The following AGBL1 variants were observed in gnomAD, a reference collection of about 807,000 sequenced individuals.
AGBL1 encodes AGBL carboxypeptidase 1.
AGBL1 carries 130 observed loss-of-function variants against 118.9 expected under a neutral mutation model. The ratio of observed to expected loss-of-function variants is 1.09; its 90% confidence interval spans 0.95 to 1.26. AGBL1 has a LOEUF of 1.26. AGBL1 is among the 50% of genes most tolerant of loss of function. The probability of loss-of-function intolerance (pLI) is 0.00; values close to 1 mark genes in which losing one functional copy is unlikely to be tolerated. For synonymous variants in AGBL1, 555 were observed against 478.9 expected (o/e 1.16, Z -2.08); for missense variants, 1,584 against 1,298.1 (o/e 1.22, Z -3.38).
intron 16 of AGBL1, among the ~76,000 whole-genome samples, chr15:86,288,331 C>A (rs2079487216): frequency 6.6e-6 from 1 of 152,142 alleles, no homozygotes; most frequent in South Asian, 2.1e-4. Flanking sequence ...AGAAACGTGA[C>A]TGATATTCTG....
intron 5 of AGBL1, among the ~76,000 whole-genome samples, chr15:86,180,567 C>G (rs1255451547): frequency 6.6e-6 from 1 of 152,088 alleles, no homozygotes; most frequent in Non-Finnish European, 1.5e-5. Context: ...ACAGCTATAA[C>G]ATTTCTGGAA....
intron 18 of AGBL1, among the ~76,000 whole-genome samples, chr15:86,412,737 CA>C (rs1195898787): frequency 6.6e-6 from 1 of 152,164 alleles, no homozygotes; most frequent in Non-Finnish European, 1.5e-5. Flanking sequence ...AATTTAGACA[CA>C]GTTACTACAA....
chr15:86,187,548 A>C (rs191294254), intron 5 of AGBL1, among the ~76,000 whole-genome samples: 2 of 152,284 alleles, frequency 1.3e-5, no homozygotes, highest in East Asian at 3.9e-4. Context: ...GCTGAGCCTC[A>C]ATTTTTACAC....
chr15:86,286,665 G>A lies in AGBL1; in HGVS notation c.2220+6882G>A, dbSNP rs1040055258. The stretch of plus-strand genomic sequence containing the variant: ...ATTTCCTGCTTTTTAAGACTGAATA[G>A]TAATCCATTGTGTATGTATGTATAT... On this transcript the variant is annotated intron_variant, in intron 16 of 22. Transcript: ENST00000614907. Among the ~76,000 whole-genome samples, 4 of 150,258 alleles carry A rather than the reference G, an allele frequency of 2.7e-5. No individual in the cohort carries two copies. In the East Asian group the frequency reaches 7.8e-4, roughly 29 times the overall value.
At chr15:86,089,706 G>A (rs968611409) in intron 1 of AGBL1, among the ~76,000 whole-genome samples, 1 of 152,002 alleles carries the variant, frequency 6.6e-6, no homozygotes, top group Non-Finnish European at 1.5e-5. Flanking sequence ...ATCGGTGCTA[G>A]CTCAATGCCC....
At chr15:86,333,732 A>T (rs898972077) in intron 17 of AGBL1, among the ~76,000 whole-genome samples, 145 of 152,160 alleles carry the variant, frequency 9.5e-4, no homozygotes, top group African/African-American at 3.4e-3. Flanking sequence ...ACACAATGAG[A>T]AAAGGAAACT....
chr15:86,521,543 G>T (rs537180504), intron 18 of AGBL1, among the ~76,000 whole-genome samples: 1 of 152,216 alleles, frequency 6.6e-6, no homozygotes, highest in African/African-American at 2.4e-5. Flanking sequence ...GGATGTTATT[G>T]CAGCAAATAG....
rs147947023 is a variant in AGBL1 at position 86,638,369 on chromosome 15, C to T, written c.2995-35904C>T. 4.3e-3 allele frequency among the ~76,000 whole-genome samples: 662 copies of T among 152,262 alleles called. 3 individuals are homozygous for T. The highest frequency in any genetic ancestry group is 0.015 in the African/African-American group (605 of 41,556). ...TCTTTGTAATGATCTTCCAAGGAAG[C>T]GATGTGCTGCATTTTCACTTGCATC... On this transcript the variant is annotated intron_variant, in intron 21 of 22. Coordinates refer to ENST00000614907, the MANE Select transcript of AGBL1 (RefSeq NM_001386094.1).
chr15:86,876,066 A>T (rs965766056), intron 22 of AGBL1, among the ~76,000 whole-genome samples: 1 of 152,324 alleles, frequency 6.6e-6, no homozygotes, highest in South Asian at 2.1e-4. Flanking sequence ...CACTAAGAAT[A>T]AGAGAATGTA....
chr15:86,600,706 A>G (rs528533185), intron 21 of AGBL1, among the ~76,000 whole-genome samples: 1 of 152,214 alleles, frequency 6.6e-6, no homozygotes, highest in African/African-American at 2.4e-5. Context: ...CTGGGTGGGG[A>G]GCCCTGCTTT....
intron 22 of AGBL1, among the ~76,000 whole-genome samples, chr15:86,813,362 C>T (rs1452507457): frequency 6.6e-6 from 1 of 152,156 alleles, no homozygotes; most frequent in Non-Finnish European, 1.5e-5. Context: ...CATCTAATCT[C>T]AAGTAAAGAA....
chr15:86,938,393 C>G (rs1225965334), intron 23 of AGBL1, among the ~76,000 whole-genome samples: 1 of 152,150 alleles, frequency 6.6e-6, no homozygotes, highest in Non-Finnish European at 1.5e-5. Flanking sequence ...AACTTTTGAC[C>G]TAATTTGGTA....
chr15:86,219,796 T>G (rs1322007118), intron 5 of AGBL1, among the ~76,000 whole-genome samples: 1 of 152,078 alleles, frequency 6.6e-6, no homozygotes, highest in Non-Finnish European at 1.5e-5. Flanking sequence ...TCTAACCTTT[T>G]GATCTCCACA....
intron 22 of AGBL1, among the ~76,000 whole-genome samples, chr15:86,714,829 AG>A (rs2086613824): frequency 6.6e-6 from 1 of 152,112 alleles, no homozygotes; most frequent in African/African-American, 2.4e-5. Context: ...GCATCAAGGG[AG>A]GGGCCCCTGC....
At chr15:86,722,318 A>T (rs1047041477) in intron 22 of AGBL1, among the ~76,000 whole-genome samples, 4 of 152,242 alleles carry the variant, frequency 2.6e-5, no homozygotes, top group African/African-American at 9.6e-5. Context: ...GATATAGACC[A>T]ATGGAACAGA....
chr15:86,719,053 GA>G lies in AGBL1; in HGVS notation c.3158+44625del, dbSNP rs368579656. Among the ~76,000 whole-genome samples the G allele has an allele frequency of 3.1e-4, 47 of 151,748 alleles. No individual in the cohort carries two copies. In the East Asian group the frequency reaches 8.5e-3, roughly 28 times the overall value. ...GTAGTCTCCCTTTTCTCTCCAAAGA[GA>G]AAAAAAAGTTCATGGGAATGGCTCT... is the stretch of plus-strand genomic sequence containing the variant. On this transcript the variant is annotated intron_variant, in intron 22 of 22. Coordinates refer to ENST00000614907, the MANE Select transcript of AGBL1 (RefSeq NM_001386094.1).
At chr15:86,848,749 A>G (rs1038338972) in intron 22 of AGBL1, among the ~76,000 whole-genome samples, 8 of 152,196 alleles carry the variant, frequency 5.3e-5, no homozygotes, top group Non-Finnish European at 7.3e-5. Context: ...GCATTAGACT[A>G]AATTTCCATG....
intron 17 of AGBL1, among the ~76,000 whole-genome samples, chr15:86,333,110 C>G (rs1459668009): frequency 6.6e-6 from 1 of 152,088 alleles, no homozygotes; most frequent in Non-Finnish European, 1.5e-5. Flanking sequence ...TATTAATGAT[C>G]TAATGTCACA....
intron 7 of AGBL1, among the ~76,000 whole-genome samples, chr15:86,248,849 G>C (rs1208447036): frequency 2.0e-5 from 3 of 152,178 alleles, no homozygotes; most frequent in Non-Finnish European, 2.9e-5. Context: ...CATAGGTAGA[G>C]GGAGCAGGTG....
Sources: allele counts gnomAD v4.1 joint callset (sites outside exome capture counted in the v4.1 genomes callset), GRCh38; gene constraint gnomAD v4.1.1; transcripts MANE v1.5; gene names NCBI Gene and HGNC (gene_info 2026-07-23, HGNC 2026-07-21).